RLIG1: variants seen among roughly 807,000 people sequenced by gnomAD.
The protein encoded by RLIG1 is RNA 5'-phosphate and 3'-OH ligase 1, also known as RNA ligase 1.
At chr12:88,046,652 G>A in the RLIG1 span, among the ~76,000 whole-genome samples, 1 of 152,180 alleles carries the variant, frequency 6.6e-6, no homozygotes, top group African/African-American at 2.4e-5. Flanking sequence ...GGAATAAGGT[G>A]CCAGTGCACT....
the RLIG1 span, among the ~76,000 whole-genome samples, chr12:88,046,012 C>A: frequency 6.6e-5 from 10 of 152,056 alleles, no homozygotes; most frequent in Non-Finnish European, 7.4e-5. Context: ...CATTACACAA[C>A]TATATATGAA....
chr12:88,050,063 AAAAT>A, the RLIG1 span: 2 of 229,240 alleles, frequency 8.7e-6, no homozygotes, highest in Non-Finnish European at 8.3e-6. Context: ...TTTCAAAAAA[AAAAT>A]AAAGACACTG....
chr12:88,041,244 A>AG, the RLIG1 span, among the ~76,000 whole-genome samples: 2 of 152,182 alleles, frequency 1.3e-5, no homozygotes, highest in Non-Finnish European at 2.9e-5. Context: ...AATGTCCTTA[A>AG]GGTTCATTCA....
At chr12:88,038,880 A>C in the RLIG1 span, among the ~76,000 whole-genome samples, 2 of 152,234 alleles carry the variant, frequency 1.3e-5, no homozygotes, top group African/African-American at 2.4e-5. Context: ...GAAGATCATT[A>C]GTTTTTCAGC....
the RLIG1 span, chr12:88,040,010 A>G: frequency 1.5e-6 from 1 of 649,710 alleles, no homozygotes; most frequent in Non-Finnish European, 2.8e-6. Flanking sequence ...CAGAATAAAT[A>G]TTTTTAAATC....
chr12:88,043,573 A>G, the RLIG1 span: 2 of 1,485,572 alleles, frequency 1.3e-6, no homozygotes, highest in Non-Finnish European at 1.8e-6. Flanking sequence ...CACCACATAC[A>G]ATATTATCTT....
At chr12:88,045,272 T>C in the RLIG1 span, 2 of 213,078 alleles carry the variant, frequency 9.4e-6, no homozygotes, top group Non-Finnish European at 1.9e-5. Flanking sequence ...TTATTTTATA[T>C]AAAAAATTTT....
chr12:88,042,753 CTG>C, the RLIG1 span: 41 of 978,170 alleles, frequency 4.2e-5, no homozygotes, highest in African/African-American at 3.1e-4. Flanking sequence ...TGTTGACAAA[CTG>C]TATTCTGAAA....
At chr12:88,045,470 C>T in the RLIG1 span, 11 of 739,290 alleles carry the variant, frequency 1.5e-5, no homozygotes, top group Admixed American at 6.0e-5. Flanking sequence ...TATCTCTTTG[C>T]GATAGACACC....
the RLIG1 span, among the ~76,000 whole-genome samples, chr12:88,046,120 T>A: frequency 6.6e-6 from 1 of 152,120 alleles, no homozygotes; most frequent in Non-Finnish European, 1.5e-5. Context: ...TAGCATCAAT[T>A]TAAATAGCCA....
At chr12:88,040,847 G>C in the RLIG1 span, among the ~76,000 whole-genome samples, 1 of 151,802 alleles carries the variant, frequency 6.6e-6, no homozygotes, top group African/African-American at 2.4e-5. Context: ...CTCACTTCCA[G>C]AAAAAAATAG....
the RLIG1 span, chr12:88,035,857 C>CCT: frequency 4.6e-6 from 7 of 1,522,660 alleles, no homozygotes; most frequent in South Asian, 8.7e-5. Flanking sequence ...AGGCCAGGAA[C>CCT]CTCTGTAGGT....
chr12:88,041,975 T>G, the RLIG1 span: 1 of 152,158 alleles, frequency 6.6e-6, no homozygotes, highest in African/African-American at 2.4e-5. Context: ...CAAATCCACA[T>G]TTATTACTAC....
the RLIG1 span, chr12:88,047,014 T>C: frequency 6.5e-7 from 1 of 1,546,892 alleles, no homozygotes; most frequent in South Asian, 1.2e-5. Context: ...TTATGTCATC[T>C]TATATTCCTA....
the RLIG1 span, chr12:88,045,633 T>C: frequency 5.0e-6 from 8 of 1,612,916 alleles, no homozygotes; most frequent in Non-Finnish European, 8.5e-7. Flanking sequence ...CATTCCTCTG[T>C]AGTTAATTAT....
At chr12:88,043,800 T>G in the RLIG1 span, 1 of 951,030 alleles carries the variant, frequency 1.1e-6, no homozygotes, top group Non-Finnish European at 1.6e-6. Context: ...TACAGAATTT[T>G]AATCTGGGTC....
chr12:88,041,571 A>T, the RLIG1 span: 15 of 152,134 alleles, frequency 9.9e-5, no homozygotes, highest in Non-Finnish European at 1.9e-4. Flanking sequence ...CAATTTCCTC[A>T]CCAGCACTTA....
the RLIG1 span, chr12:88,043,763 G>GGCCGGGCGCGGTGGCTCACGCCTGT: frequency 1.6e-6 from 2 of 1,262,148 alleles, no homozygotes; most frequent in Non-Finnish European, 2.3e-6. Flanking sequence ...CTAGTAAAAT[G>GGCCGGGCGCGGTGGCTCACGCCTGT]ATCAAAATAT....
At chr12:88,048,632 T>C in the RLIG1 span, 5 of 348,658 alleles carry the variant, frequency 1.4e-5, no homozygotes, top group Non-Finnish European at 2.5e-5. Flanking sequence ...ACATAAGTAA[T>C]AGTAAGCTCC....
Sources: allele counts gnomAD v4.1 joint callset (sites outside exome capture counted in the v4.1 genomes callset), GRCh38; gene constraint gnomAD v4.1.1; transcripts MANE v1.5; gene names NCBI Gene and HGNC (gene_info 2026-07-23, HGNC 2026-07-21).